Variants in EFCC1 observed in about 807,000 individuals in gnomAD.
The protein encoded by EFCC1 is EF-hand and coiled-coil domain containing 1, also known as EF-hand and coiled-coil domain-containing protein 1.
EFCC1 carries 50 observed loss-of-function variants against 52.1 expected under a neutral mutation model. The observed-to-expected ratio is 0.96, with a 90% CI of 0.76 to 1.21. The LOEUF is 1.21. Ranked by LOEUF, EFCC1 falls within the 50% of genes most tolerant of loss-of-function variation. The pLI, the probability that EFCC1 is intolerant of heterozygous loss-of-function variation, is 0.00. For synonymous variants in EFCC1, 399 were observed against 396.5 expected, an observed-to-expected ratio of 1.01 and a Z score of -0.08; for missense variants, 837 against 867.3, an observed-to-expected ratio of 0.97 and a Z score of 0.44.
At chr3:129,009,974 C>A (rs1251266305) in intron 2 of EFCC1, among the ~76,000 whole-genome samples, 1 of 152,208 alleles carries the variant, frequency 6.6e-6, no homozygotes, top group Admixed American at 6.5e-5. Flanking sequence ...AGCTGGGAGC[C>A]CTCCTGAGGG....
intron 2 of EFCC1, among the ~76,000 whole-genome samples, chr3:129,022,952 C>A (rs1269288605): frequency 1.3e-5 from 2 of 152,236 alleles, no homozygotes; most frequent in East Asian, 3.9e-4. Context: ...AAGTCTCCAA[C>A]TTCTCCTCAC....
At chr3:129,018,560 ACT>A (rs1190335604) in intron 2 of EFCC1, among the ~76,000 whole-genome samples, 1 of 152,066 alleles carries the variant, frequency 6.6e-6, no homozygotes, top group Non-Finnish European at 1.5e-5. Flanking sequence ...TGAAGTATTT[ACT>A]CTCTGGCCCT....
At position 129,010,506 on chromosome 3, in the gene EFCC1, G is replaced by A. The variant is rs1945276231; in HGVS notation, c.980+6429G>A. ...GGAGGGTGAAAAGGCTGGGATGGAG[G>A]AAAGGGGGTGGGAGAGGGAGGGAGG... is the stretch of plus-strand genomic sequence containing the variant. On this transcript the variant is annotated intron_variant, in intron 2 of 7. Coordinates refer to ENST00000683648, the MANE Select transcript of EFCC1 (RefSeq NM_001377500.1). The surrounding 1 kb of genome is among the most constrained non-coding windows in gnomAD (Gnocchi z 4.3). Among the ~76,000 whole-genome samples the A allele has an allele frequency of 1.4e-5, 2 of 140,022 alleles. No homozygotes were observed. The highest frequency in any genetic ancestry group is 3.1e-5 in the Non-Finnish European group (2 of 64,208). 91.9% of individuals were successfully genotyped at this position (140,022 alleles called of 152,430 possible).
chr3:129,035,031 T>G (rs1354923568), intron 5 of EFCC1, among the ~76,000 whole-genome samples: 1 of 152,212 alleles, frequency 6.6e-6, no homozygotes, highest in Non-Finnish European at 1.5e-5. Flanking sequence ...CTCTACTCCA[T>G]AGGAAAGTCT....
At chr3:129,019,854 C>T (rs1158400932) in intron 2 of EFCC1, among the ~76,000 whole-genome samples, 2 of 150,182 alleles carry the variant, frequency 1.3e-5, no homozygotes, top group South Asian at 2.1e-4. Flanking sequence ...CTGCAACCTC[C>T]ACCTCCCAGA....
intron 6 of EFCC1, 94 bp downstream of exon 6, chr3:129,037,211 C>T: frequency 7.0e-7 from 1 of 1,427,508 alleles, no homozygotes; most frequent in Non-Finnish European, 9.2e-7. Context: ...CTAGGCTCTC[C>T]TTACAGTAGG....
At position 129,007,371 on chromosome 3, in the gene EFCC1, A is replaced by T. The variant is rs151028768; in HGVS notation, c.980+3294A>T. Reference sequence around the variant, plus strand: ...CGGGAGGAAAGGGCCCCATGCCCCAAACAGTAGAGCCCCATCACACCCTCT... The same window carrying T: ...CGGGAGGAAAGGGCCCCATGCCCCATACAGTAGAGCCCCATCACACCCTCT... On this transcript the variant is annotated intron_variant, in intron 2 of 7. Coordinates refer to ENST00000683648, the MANE Select transcript of EFCC1 (RefSeq NM_001377500.1). Among the ~76,000 whole-genome samples the T allele has an allele frequency of 6.5e-4, 99 of 152,324 alleles. 1 individual carries two copies. The highest frequency in any genetic ancestry group is 2.3e-3 in the African/African-American group (95 of 41,570).
In EFCC1 at chr3:129,037,099, G is replaced by A. The variant is rs1453741816; in HGVS notation, c.1575G>A (p.Leu525=). 6.8e-6 allele frequency: 11 copies of A among 1,609,622 alleles called. 1 individual carries two copies. Among genetic ancestry groups the A allele is most frequent in the Non-Finnish European group, 8.5e-6 (10 of 1,178,686 alleles). Residue 525 remains leucine (L), a synonymous_variant, in exon 6 of 8, where the codon CTG becomes CTA. Transcript: ENST00000683648. ...EEKLVDVLQL[L]QRLRDLNISK... is the part of the protein sequence containing the mutation. ...AGCTGGTGGACGTGCTGCAGCTCCTGCAGAGGCTCCGGGACCTGGTAGGCT... is the reference window on the plus strand; with the variant it reads ...AGCTGGTGGACGTGCTGCAGCTCCTACAGAGGCTCCGGGACCTGGTAGGCT...
In EFCC1 at chr3:129,010,997, A is replaced by G. The variant is rs1945300669; in HGVS notation, c.980+6920A>G. On this transcript the variant is annotated intron_variant, in intron 2 of 7. Coordinates refer to ENST00000683648, the MANE Select transcript of EFCC1 (RefSeq NM_001377500.1). The surrounding 1 kb of genome is among the most constrained non-coding windows in gnomAD (Gnocchi z 4.3). The stretch of plus-strand genomic sequence containing the variant: ...TAGAGCTGTTCCCTTCACTTCTGTG[A>G]GTCTCAGTTTCCTCGGCTATAAAGT... Among the ~76,000 whole-genome samples, 1 of 152,118 alleles carries G rather than the reference A, an allele frequency of 6.6e-6. No individual in the cohort carries two copies. The highest frequency in any genetic ancestry group is 1.5e-5 in the Non-Finnish European group (1 of 68,030).
intron 2 of EFCC1, among the ~76,000 whole-genome samples, chr3:129,007,848 T>C (rs10512717): frequency 0.038 from 5,763 of 152,320 alleles, 281 homozygotes; most frequent in African/African-American, 0.11. Context: ...TCAGTCCTTG[T>C]GTTGTAGGTT....
At chr3:129,025,732 A>G (rs1022761126) in intron 2 of EFCC1, among the ~76,000 whole-genome samples, 1 of 148,610 alleles carries the variant, frequency 6.7e-6, no homozygotes, top group African/African-American at 2.5e-5. Context: ...ACTGGTCACT[A>G]GACAACAGTA....
rs1028623359 is a variant in EFCC1, at chr3:129,001,604, G to C, written c.-25G>C. The C allele has an allele frequency of 7.4e-7, 1 of 1,355,856 alleles. No homozygotes were observed. The highest frequency in any genetic ancestry group is 3.9e-5 in the Admixed American group (1 of 25,658). The allele number at this position is 1,355,856 out of a possible 1,614,324, so 84.0% of individuals were successfully genotyped here. The stretch of plus-strand genomic sequence containing the variant: ...GGCGAAGGGACCGGAGGAGGGACCG[G>C]AGGAGCGAGGCGCGCGGCGCAGCGA... On this transcript the variant is annotated 5_prime_UTR_variant, in exon 1 of 8. Transcript: ENST00000683648.
chr3:129,038,717 C>T (rs2306529), intron 6 of EFCC1, 114 bp from the exon 7 acceptor site: 1 of 1,002,604 alleles, frequency 1.0e-6, no homozygotes, highest in Admixed American at 1.8e-5. Flanking sequence ...GGGGGAGGAG[C>T]TTTATCTGTC....
Position 129,040,063 on chromosome 3 carries a change from C to A in EFCC1, c.*215C>A, listed in dbSNP as rs1576788946. On this transcript the variant is annotated 3_prime_UTR_variant, in exon 8 of 8. Coordinates refer to ENST00000683648, the MANE Select transcript of EFCC1 (RefSeq NM_001377500.1). The surrounding 1 kb of genome is among the most constrained non-coding windows in gnomAD (Gnocchi z 4.4). ...CCTCGGGCTCCTCCACATTACCTCG[C>A]AGCCCCTGCATTCCTGCCACCAGAG... 7.7e-6 allele frequency: 4 copies of A among 521,624 alleles called. No homozygotes were observed. The East Asian group carries it at 1.0e-4, about 13-fold the overall frequency. 32.3% of individuals were successfully genotyped at this position (521,624 alleles called of 1,614,324 possible).
intron 2 of EFCC1, among the ~76,000 whole-genome samples, chr3:129,012,342 G>A (rs1945364778): frequency 6.6e-6 from 1 of 152,078 alleles, no homozygotes; most frequent in Non-Finnish European, 1.5e-5. Context: ...GCTGGTCCTG[G>A]GGTGTGCCTG....
intron 2 of EFCC1, among the ~76,000 whole-genome samples, chr3:129,024,921 A>T (rs894026239): frequency 8.5e-5 from 13 of 152,142 alleles, no homozygotes; most frequent in African/African-American, 2.9e-4. Flanking sequence ...AAGAACCAGG[A>T]GGATTTTCTG....
Position 129,032,839 on chromosome 3 carries a change from C to T in EFCC1, c.1159C>T (p.Arg387Cys), listed in dbSNP as rs929284960. The change falls in exon 4 of 8, where the codon CGC (arginine) becomes TGC (cysteine). Residue 387 changes from arginine (R) to cysteine (C), a missense_variant. By Grantham distance (180) the Arg-to-Cys change is radical. Coordinates refer to ENST00000683648, the MANE Select transcript of EFCC1 (RefSeq NM_001377500.1). ...CCCAGCAGTGGACGAGCAGCTGTTC[C>T]GCTCCGTGGAGGGCCAGGCCGCCTC... ...LDEAVDEQLF[R>C]SVEGQAASDE... The T allele has an allele frequency of 1.3e-4, 195 of 1,551,228 alleles. No individual in the cohort carries two copies. Among genetic ancestry groups the T allele is most frequent in the Admixed American group, 2.0e-4 (10 of 50,980 alleles).
At chr3:129,024,910 G>A (rs909236687) in intron 2 of EFCC1, among the ~76,000 whole-genome samples, 2 of 152,172 alleles carry the variant, frequency 1.3e-5, no homozygotes, top group African/African-American at 4.8e-5. Flanking sequence ...GTGGGAGAAC[G>A]AAGAACCAGG....
intron 2 of EFCC1, among the ~76,000 whole-genome samples, chr3:129,023,310 C>CTTTT (rs3036084): frequency 1.4e-5 from 2 of 138,170 alleles, no homozygotes; most frequent in African/African-American, 5.3e-5. Context: ...CCTCTTGCTT[C>CTTTT]TTTTTTTTTT....
Sources: gnomAD v4.1 joint callset for allele counts (sites outside exome capture counted in the v4.1 genomes callset) on GRCh38, gnomAD v4.1.1 for gene constraint, Gnocchi (gnomAD v3.1) non-coding constraint, MANE v1.5 for transcripts, NCBI Gene and HGNC (gene_info 2026-07-23, HGNC 2026-07-21) for gene names.